The following ANO4 variants were observed in gnomAD, a reference collection of about 807,000 sequenced individuals.
ANO4 encodes anoctamin-4.
In ANO4, 69 loss-of-function variants were observed where a neutral mutation model predicts 141.9. That is an observed-to-expected ratio of 0.49 (90% CI 0.40 to 0.59). ANO4 has a LOEUF of 0.59. ANO4 is among the 20% of genes least tolerant of loss of function. ANO4 has a pLI of 0.00. For missense variants in ANO4, 894 were observed against 1,162.2 expected, an observed-to-expected ratio of 0.77 and a Z score of 3.36; for synonymous variants, 350 against 394.3, an observed-to-expected ratio of 0.89 and a Z score of 1.33.
At chr12:100,773,743 T>C (rs34798793) in intron 3 of ANO4, among the ~76,000 whole-genome samples, 7,313 of 152,314 alleles carry the variant, frequency 0.048, 505 homozygotes, top group African/African-American at 0.15. Context: ...ATAACATATA[T>C]GCAGACAAGT....
At chr12:100,941,772 A>G (rs2042522697) in intron 4 of ANO4, among the ~76,000 whole-genome samples, 2 of 151,760 alleles carry the variant, frequency 1.3e-5, no homozygotes. Context: ...GAGCATATCA[A>G]TTTTCACTCT....
rs143839230 is a variant in ANO4 at position 100,913,843 on chromosome 12, C to A, written c.56-8383C>A. ...ATGCACAAGAGGGGCAGAGTCCTAGCTTTTTTGAGGATTGTCATTTCGCAA... is the reference window on the plus strand; with the variant it reads ...ATGCACAAGAGGGGCAGAGTCCTAGATTTTTTGAGGATTGTCATTTCGCAA... On this transcript the variant is annotated intron_variant, in intron 2 of 27. Transcript: ENST00000392977. Among the ~76,000 whole-genome samples, 1,349 of 152,260 alleles carry A rather than the reference C, an allele frequency of 8.9e-3. 27 individuals are homozygous for A. The highest frequency in any genetic ancestry group is 0.031 in the African/African-American group (1,285 of 41,532).
At chr12:100,943,780 A>G (rs987324719) in intron 5 of ANO4, among the ~76,000 whole-genome samples, 3 of 152,208 alleles carry the variant, frequency 2.0e-5, no homozygotes, top group Non-Finnish European at 4.4e-5. Context: ...AACTGAGTGT[A>G]TAGTTGATAA....
At chr12:100,818,044 A>C (rs1237878888) in intron 1 of ANO4, among the ~76,000 whole-genome samples, 1 of 151,676 alleles carries the variant, frequency 6.6e-6, no homozygotes, top group Non-Finnish European at 1.5e-5. Flanking sequence ...TATTATTATT[A>C]TTACTTATTA....
At chr12:100,947,937 A>C (rs1206421609) in intron 5 of ANO4, among the ~76,000 whole-genome samples, 1 of 152,104 alleles carries the variant, frequency 6.6e-6, no homozygotes, top group Admixed American at 6.5e-5. Flanking sequence ...TAATCCCAGC[A>C]CTTTGGGAGG....
intron 3 of ANO4, among the ~76,000 whole-genome samples, chr12:100,771,082 G>A (rs1049116737): frequency 1.3e-5 from 2 of 152,126 alleles, no homozygotes; most frequent in Non-Finnish European, 2.9e-5. Context: ...TTAAAAATAT[G>A]ATCAAATACT....
chr12:100,879,814 C>T (rs1289802719), intron 1 of ANO4, among the ~76,000 whole-genome samples: 3 of 152,082 alleles, frequency 2.0e-5, no homozygotes, highest in South Asian at 2.1e-4. Context: ...GAACACATTC[C>T]AGAGGAGTAG....
At chr12:100,725,734 A>G (rs1052164290) in intron 1 of ANO4, among the ~76,000 whole-genome samples, 4 of 152,250 alleles carry the variant, frequency 2.6e-5, no homozygotes, top group African/African-American at 9.6e-5. Context: ...TCAAGCAATT[A>G]TAAGAATTAG....
At chr12:101,008,654 T>C (rs1177656736) in intron 8 of ANO4, among the ~76,000 whole-genome samples, 2 of 152,182 alleles carry the variant, frequency 1.3e-5, no homozygotes, top group Non-Finnish European at 1.5e-5. Flanking sequence ...AGTAACTCAT[T>C]CTCTTGATTT....
chr12:100,889,157 T>C (rs1319399748), intron 1 of ANO4, among the ~76,000 whole-genome samples: 1 of 151,932 alleles, frequency 6.6e-6, no homozygotes, highest in South Asian at 2.1e-4. Context: ...TGCGATAGTT[T>C]ACTGAGAATG....
intron 3 of ANO4, among the ~76,000 whole-genome samples, chr12:100,770,365 C>G (rs186423057): frequency 2.4e-4 from 37 of 152,284 alleles, no homozygotes; most frequent in African/African-American, 8.2e-4. Flanking sequence ...AAATTACTGG[C>G]CTAAGAGTTC....
chr12:100,779,919 T>C (rs2033661614), intron 3 of ANO4, among the ~76,000 whole-genome samples: 2 of 152,346 alleles, frequency 1.3e-5, no homozygotes, highest in Admixed American at 6.5e-5. Context: ...AAAAATACTT[T>C]GTATTTCCCA....
chr12:101,020,648 G>C (rs1479855116), intron 9 of ANO4, among the ~76,000 whole-genome samples: 2 of 152,130 alleles, frequency 1.3e-5, no homozygotes, highest in African/African-American at 2.4e-5. Context: ...GAAGATCGAG[G>C]GGTAGGGTGT....
intron 1 of ANO4, among the ~76,000 whole-genome samples, chr12:100,868,304 G>T (rs80260811): frequency 7.7e-4 from 117 of 152,254 alleles, no homozygotes; most frequent in African/African-American, 2.7e-3. Context: ...GTGGAACTTG[G>T]TGAGAGGCTA....
rs772310735 is a variant in ANO4 at position 100,808,194 on chromosome 12, C to T, written c.-141+13167C>T. Among the ~76,000 whole-genome samples the T allele has an allele frequency of 1.8e-4, 27 of 152,118 alleles. 1 individual carries two copies. The highest frequency in any genetic ancestry group is 5.2e-4 in the Admixed American group (8 of 15,270). ...GACACTCCCATCAACAGTGTATAAG[C>T]GTTCCTTTTTCTCCACAACCTCACC... On this transcript the variant is annotated intron_variant, in intron 1 of 27. Transcript: ENST00000392977.
chr12:100,871,681 C>T (rs2039042177), intron 1 of ANO4, among the ~76,000 whole-genome samples: 5 of 152,172 alleles, frequency 3.3e-5, no homozygotes, highest in Admixed American at 3.3e-4. Context: ...CAAGCACTGA[C>T]AGATTTGGTG....
chr12:100,728,346 A>C (rs2031230759), intron 1 of ANO4, among the ~76,000 whole-genome samples: 1 of 152,280 alleles, frequency 6.6e-6, no homozygotes, highest in African/African-American at 2.4e-5. Context: ...CTCTGAAAAC[A>C]GTAGATCTTG....
chr12:101,090,440 C>A (rs1373150775), intron 17 of ANO4, among the ~76,000 whole-genome samples: 1 of 152,142 alleles, frequency 6.6e-6, no homozygotes, highest in Non-Finnish European at 1.5e-5. Flanking sequence ...GAGTTCATGT[C>A]CTTTATAGGG....
At chr12:100,751,595 T>C (rs952337481) in intron 3 of ANO4, among the ~76,000 whole-genome samples, 1 of 152,126 alleles carries the variant, frequency 6.6e-6, no homozygotes, top group Non-Finnish European at 1.5e-5. Context: ...TCACTTTCCT[T>C]GTCCCAGGTC....
Sources: allele counts gnomAD v4.1 joint callset (sites outside exome capture counted in the v4.1 genomes callset), GRCh38; gene constraint gnomAD v4.1.1; transcripts MANE v1.5; gene names NCBI Gene and HGNC (gene_info 2026-07-23, HGNC 2026-07-21).